SLC9C1: variants seen among roughly 807,000 people sequenced by gnomAD.
SLC9C1 encodes the protein solute carrier family 9 member C1.
In SLC9C1, 97 loss-of-function variants were observed where a neutral mutation model predicts 140.9. That is an observed-to-expected ratio of 0.69 (90% CI 0.58 to 0.82). The LOEUF (loss-of-function observed/expected upper bound fraction) is 0.82, where lower values mean the gene tolerates loss of function less well. Ranked by LOEUF, SLC9C1 falls within the 40% of genes least tolerant of loss-of-function variation. The pLI, the probability that SLC9C1 is intolerant of heterozygous loss-of-function variation, is 0.00. For synonymous variants in SLC9C1, 440 were observed against 442.6 expected (o/e 0.99, Z 0.07); for missense variants, 1,340 against 1,389.3 (o/e 0.96, Z 0.56).
At chr3:112,284,893 TA>T (rs751830447) in intron 2 of SLC9C1, among the ~76,000 whole-genome samples, 75 of 94,750 alleles carry the variant, frequency 7.9e-4, no homozygotes, top group Non-Finnish European at 1.8e-3. Flanking sequence ...TCTAATATTT[TA>T]AATTACTAAA....
intron 15 of SLC9C1, among the ~76,000 whole-genome samples, chr3:112,211,059 T>C (rs905257777): frequency 6.6e-5 from 10 of 152,194 alleles, no homozygotes; most frequent in African/African-American, 2.4e-4. Context: ...AAAAATGAAT[T>C]TGTTAATACA....
chr3:112,196,123 G>A (rs2077762560), intron 20 of SLC9C1, among the ~76,000 whole-genome samples: 1 of 151,286 alleles, frequency 6.6e-6, no homozygotes, highest in Admixed American at 6.6e-5. Context: ...ATCTGGAAAT[G>A]TCTCAATTTT....
intron 1 of SLC9C1, among the ~76,000 whole-genome samples, chr3:112,288,714 C>G (rs377026963): frequency 1.3e-5 from 2 of 152,112 alleles, no homozygotes; most frequent in African/African-American, 2.4e-5. Context: ...GAACTATGAT[C>G]GTGACACTGC....
intron 28 of SLC9C1, among the ~76,000 whole-genome samples, chr3:112,147,051 G>A (rs2074819054): frequency 6.6e-6 from 1 of 152,042 alleles, no homozygotes; most frequent in Non-Finnish European, 1.5e-5. Context: ...ATTACATAAT[G>A]CATTTCTTTG....
intron 19 of SLC9C1, among the ~76,000 whole-genome samples, chr3:112,199,719 C>G (rs768950333): frequency 1.5e-4 from 23 of 152,004 alleles, no homozygotes; most frequent in Non-Finnish European, 3.2e-4. Context: ...AGCTTCGTTT[C>G]TAGGATTAAC....
At chr3:112,234,695 T>A (rs912650531) in intron 12 of SLC9C1, among the ~76,000 whole-genome samples, 4 of 152,250 alleles carry the variant, frequency 2.6e-5, no homozygotes, top group African/African-American at 7.2e-5. Context: ...TTTCTACATA[T>A]GGCTAGCCAG....
intron 20 of SLC9C1, among the ~76,000 whole-genome samples, chr3:112,187,253 C>G (rs2077557812): frequency 6.6e-6 from 1 of 152,132 alleles, no homozygotes; most frequent in Non-Finnish European, 1.5e-5. Flanking sequence ...CTGTGAGAAT[C>G]AAGTGAGTAA....
chr3:112,150,793 C>CATATATATATAAATACATATACAT lies in SLC9C1; in HGVS notation c.3524+1063_3524+1064insATGTATATGTATTTATATATATAT, dbSNP rs1553774371. On this transcript the variant is annotated intron_variant, in intron 28 of 28. Coordinates refer to ENST00000305815, the MANE Select transcript of SLC9C1 (RefSeq NM_183061.3). ...ACATATATATATATAAATACATATA[C>CATATATATATAAATACATATACAT]ATATATATATATATATAAATACATA... Among the ~76,000 whole-genome samples, 229 of 56,870 alleles carry CATATATATATAAATACATATACAT rather than the reference C, an allele frequency of 4.0e-3. 3 individuals carry two copies. The highest frequency in any genetic ancestry group is 0.026 in the Middle Eastern group (3 of 114). 37.3% of individuals were successfully genotyped at this position (56,870 alleles called of 152,430 possible). A position where few individuals can be genotyped will look rare whatever the true frequency, so the allele number is the denominator to read the frequency against.
chr3:112,222,524 G>A (rs748151486), intron 13 of SLC9C1, among the ~76,000 whole-genome samples: 2 of 152,098 alleles, frequency 1.3e-5, no homozygotes, highest in South Asian at 2.1e-4. Context: ...GGTACATGGA[G>A]TATACACTGC....
intron 13 of SLC9C1, among the ~76,000 whole-genome samples, chr3:112,229,598 A>G (rs1226635960): frequency 6.6e-6 from 1 of 151,990 alleles, no homozygotes; most frequent in Non-Finnish European, 1.5e-5. Flanking sequence ...AAAAGGGTGT[A>G]TAGATTTTTT....
intron 28 of SLC9C1, among the ~76,000 whole-genome samples, chr3:112,147,262 C>T (rs75017333): frequency 0.1 from 15,777 of 152,160 alleles, 871 homozygotes; most frequent in East Asian, 0.2. Context: ...ATGCCTTTTA[C>T]GTGGGGGTGT....
chr3:112,185,714 G>T, intron 20 of SLC9C1: 1 of 1,540,472 alleles, frequency 6.5e-7, no homozygotes, highest in Non-Finnish European at 8.7e-7. Context: ...TGAGCTCCTC[G>T]GACACGGCGG....
At chr3:112,158,731 C>T (rs1015686272) in intron 26 of SLC9C1, among the ~76,000 whole-genome samples, 1 of 151,682 alleles carries the variant, frequency 6.6e-6, no homozygotes, top group Non-Finnish European at 1.5e-5. Flanking sequence ...TCTATTTCTT[C>T]ATGTTTCAAT....
chr3:112,162,926 T>C (rs2075351184), intron 26 of SLC9C1, among the ~76,000 whole-genome samples: 1 of 138,248 alleles, frequency 7.2e-6, no homozygotes, highest in Non-Finnish European at 1.5e-5. Context: ...TGGTAAGCTA[T>C]TGATTATTGC....
At chr3:112,240,134 A>G (rs148050506) in intron 11 of SLC9C1, 128 bp from the exon 12 acceptor site, 459 of 845,458 alleles carry the variant, frequency 5.4e-4, no homozygotes, top group Non-Finnish European at 7.5e-4. Context: ...AAACTGTTTA[A>G]TAATGGGAAT....
At chr3:112,159,942 G>A (rs534366760) in intron 26 of SLC9C1, among the ~76,000 whole-genome samples, 1 of 151,890 alleles carries the variant, frequency 6.6e-6, no homozygotes, top group African/African-American at 2.4e-5. Flanking sequence ...CATTTTCAGT[G>A]TACATGTATT....
chr3:112,220,100 G>C (rs997441707), intron 14 of SLC9C1, among the ~76,000 whole-genome samples: 3 of 151,970 alleles, frequency 2.0e-5, no homozygotes, highest in African/African-American at 7.3e-5. Flanking sequence ...AGAGACCCTG[G>C]TACCATAGAT....
In SLC9C1 at chr3:112,264,352, T is replaced by A. The variant is rs758738557; in HGVS notation, c.879-9A>T. 1.5e-5 allele frequency: 21 copies of A among 1,381,932 alleles called. No individual in the cohort carries two copies. In the East Asian group the frequency reaches 5.9e-4, roughly 39 times the overall value. The allele number at this position is 1,381,932 out of a possible 1,614,324, so 85.6% of individuals were successfully genotyped here. A position where few individuals can be genotyped will look rare whatever the true frequency, so the allele number is the denominator to read the frequency against. The stretch of plus-strand genomic sequence containing the variant: ...ATAGAAAAGTCCAGAATCTGCATCA[T>A]TCAGAAAAAATTAAAAATATTTATA... On this transcript the variant is annotated splice_polypyrimidine_tract_variant and intron_variant, in intron 8 of 28. Coordinates refer to ENST00000305815, the MANE Select transcript of SLC9C1 (RefSeq NM_183061.3).
At chr3:112,293,206 G>T (rs931895089) in intron 1 of SLC9C1, among the ~76,000 whole-genome samples, 1 of 151,974 alleles carries the variant, frequency 6.6e-6, no homozygotes, top group African/African-American at 2.4e-5. Flanking sequence ...AATTGAAGAG[G>T]CAGAGATTGC....
Sources: gnomAD v4.1 joint callset for allele counts (sites outside exome capture counted in the v4.1 genomes callset) on GRCh38, gnomAD v4.1.1 for gene constraint, MANE v1.5 for transcripts, NCBI Gene and HGNC (gene_info 2026-07-23, HGNC 2026-07-21) for gene names.